The following DMAP1 variants were observed in gnomAD, a reference collection of about 807,000 sequenced individuals.
The protein encoded by DMAP1 is DNA methyltransferase 1 associated protein 1, also known as DNA methyltransferase 1-associated protein 1.
In DMAP1, 26 loss-of-function variants were observed where a neutral mutation model predicts 52.7. The observed-to-expected ratio is 0.49, with a 90% CI of 0.36 to 0.68. DMAP1 has a LOEUF of 0.68. Among genes scored for constraint, DMAP1 ranks in the 30% least tolerant of loss-of-function variants. The pLI is 0.00. For missense variants in DMAP1, 439 were observed against 625.2 expected (o/e 0.70, Z 3.18); for synonymous variants, 231 against 246.0 (o/e 0.94, Z 0.57).
At chr1:44,219,326 C>T (rs1009009524) in intron 6 of DMAP1, 80 bp from the exon 7 acceptor site, 1 of 1,556,956 alleles carries the variant, frequency 6.4e-7, no homozygotes, top group Admixed American at 1.9e-5. Flanking sequence ...CTGAGAGTAC[C>T]CAGTGCTGAT....
At position 44,214,805 on chromosome 1, in the gene DMAP1, C is replaced by T. The variant is rs1237316383; in HGVS notation, c.300C>T (p.Phe100=). ...KKVRPWKWMP[F]TNPARKDGAM... is the part of the protein sequence containing the mutation. Reference sequence around the variant, plus strand: ...TGCGGCCTTGGAAGTGGATGCCATTCACCAACCCGGCCCGCAAGGACGGAG... The same window carrying T: ...TGCGGCCTTGGAAGTGGATGCCATTTACCAACCCGGCCCGCAAGGACGGAG... Residue 100 remains phenylalanine (F), a synonymous_variant, in exon 3 of 10, where the codon TTC becomes TTT. Coordinates refer to ENST00000372289, the MANE Select transcript of DMAP1 (RefSeq NM_019100.5). 2 of 1,614,228 alleles carry T rather than the reference C, an allele frequency of 1.2e-6. No homozygotes were observed. Among genetic ancestry groups the T allele is most frequent in the Non-Finnish European group, 8.5e-7 (1 of 1,180,042 alleles).
In DMAP1 at chr1:44,220,568, C is replaced by T. The variant is rs780918219; in HGVS notation, c.1354C>T (p.Arg452Trp). The change falls in exon 10 of 10, where the codon CGG (arginine) becomes TGG (tryptophan). Residue 452 changes from arginine (R) to tryptophan (W), a missense_variant. By Grantham distance (101) the Arg-to-Trp change is moderately radical. Coordinates refer to ENST00000372289, the MANE Select transcript of DMAP1 (RefSeq NM_019100.5). ...APLTPNSRKRRESASSSSSVK... is the reference protein window; with the variant it reads ...APLTPNSRKRWESASSSSSVK... Reference sequence around the variant, plus strand: ...TTCTGTGTATCCTCAGAGAAAGCGACGGGAGTCGGCCTCCAGCTCATCTTC... The same window carrying T: ...TTCTGTGTATCCTCAGAGAAAGCGATGGGAGTCGGCCTCCAGCTCATCTTC... 9 of 1,614,188 alleles carry T rather than the reference C, an allele frequency of 5.6e-6. 1 individual carries two copies. Among genetic ancestry groups the T allele is most frequent in the South Asian group, 4.4e-5 (4 of 91,082 alleles).
rs1490888434 is a variant in DMAP1, at chr1:44,218,796, C to T, written c.720+41C>T. ...CATACCTGTCCTCCATGCCCCAAAC[C>T]CCTTGCTCATTGTCTCCATCCTCCA... On this transcript the variant is annotated intron_variant, in intron 5 of 9. Coordinates refer to ENST00000372289, the MANE Select transcript of DMAP1 (RefSeq NM_019100.5). The surrounding 1 kb of genome is among the most constrained non-coding windows in gnomAD (Gnocchi z 5.6). 1 of 1,560,402 alleles carries T rather than the reference C, an allele frequency of 6.4e-7. No individual in the cohort carries two copies. The highest frequency in any genetic ancestry group is 8.7e-7 in the Non-Finnish European group (1 of 1,149,616).
At position 44,213,897 on chromosome 1, in the gene DMAP1, A is replaced by G. The variant is rs1390830180; in HGVS notation, c.105+39A>G. 1.3e-6 allele frequency: 2 copies of G among 1,542,926 alleles called. No individual in the cohort carries two copies. The highest frequency in any genetic ancestry group is 1.8e-6 in the Non-Finnish European group (2 of 1,138,450). On this transcript the variant is annotated intron_variant, in intron 1 of 9. Coordinates refer to ENST00000372289, the MANE Select transcript of DMAP1 (RefSeq NM_019100.5). The surrounding 1 kb of genome is among the most constrained non-coding windows in gnomAD (Gnocchi z 4.5). ...CTGAAAGCGTTGACTAGGGGAGGGT[A>G]GGGGAGTGAAGATGGGGAGGAGTGA...
intron 2 of DMAP1, 104 bp downstream of exon 2, chr1:44,214,545 C>T: frequency 6.2e-7 from 1 of 1,612,658 alleles, no homozygotes; most frequent in Non-Finnish European, 8.5e-7. Context: ...CCAGCAAGGG[C>T]TCCTGCTTGC....
intron 2 of DMAP1, 91 bp downstream of exon 2, chr1:44,214,532 T>A: frequency 1.2e-6 from 2 of 1,612,928 alleles, no homozygotes; most frequent in Middle Eastern, 1.6e-4. Context: ...AATTTTCTCC[T>A]CCCCAGCAAG....
In DMAP1 at chr1:44,213,546, C is replaced by G; in HGVS notation, c.-208C>G. 3.8e-6 allele frequency: 2 copies of G among 523,480 alleles called. No individual in the cohort carries two copies. Among genetic ancestry groups the G allele is most frequent in the Non-Finnish European group, 6.9e-6 (2 of 291,840 alleles). The allele number at this position is 523,480 out of a possible 1,614,324, so 32.4% of individuals were successfully genotyped here. A position where few individuals can be genotyped will look rare whatever the true frequency, so the allele number is the denominator to read the frequency against. On this transcript the variant is annotated 5_prime_UTR_variant, in exon 1 of 10. Coordinates refer to ENST00000372289, the MANE Select transcript of DMAP1 (RefSeq NM_019100.5). The surrounding 1 kb of genome is among the most constrained non-coding windows in gnomAD (Gnocchi z 4.5). ...GACCCAGGTGCGGAAGTGCGAGGGC[C>G]CAGGTGGCTGAAGGGGCCGTTAGGA...
rs746822529 is a variant in DMAP1, at chr1:44,218,195, G to A, written c.394-116G>A. 7.2e-7 allele frequency: 1 copy of A among 1,394,826 alleles called. No homozygotes were observed. Among genetic ancestry groups the A allele is most frequent in the Non-Finnish European group, 1.0e-6 (1 of 981,780 alleles). 86.4% of individuals were successfully genotyped at this position (1,394,826 alleles called of 1,614,324 possible). A position where few individuals can be genotyped will look rare whatever the true frequency, so the allele number is the denominator to read the frequency against. Reference sequence around the variant, plus strand: ...GTTCTTTCCTCACTCCATGCTGCAGGGGCACAGGCCCAGGGTCTGGCAACA... The same window carrying A: ...GTTCTTTCCTCACTCCATGCTGCAGAGGCACAGGCCCAGGGTCTGGCAACA... On this transcript the variant is annotated intron_variant, in intron 3 of 9. Coordinates refer to ENST00000372289, the MANE Select transcript of DMAP1 (RefSeq NM_019100.5). This position sits in a 1 kb window ranked among gnomAD's most constrained non-coding sequence, Gnocchi z 5.6.
intron 7 of DMAP1, 134 bp from the exon 8 acceptor site, chr1:44,219,665 CTGGCTAT>C: frequency 8.2e-7 from 1 of 1,226,880 alleles, no homozygotes; most frequent in Non-Finnish European, 1.2e-6. Flanking sequence ...ATTCAGCTTC[CTGGCTAT>C]TTCCTTTTCT....
intron 3 of DMAP1, chr1:44,217,495 G>C (rs1279159172): frequency 6.6e-6 from 1 of 152,304 alleles, no homozygotes; most frequent in South Asian, 2.1e-4. Flanking sequence ...ATGCCTCCCA[G>C]GTTTCTGGCT....
At position 44,219,142 on chromosome 1, in the gene DMAP1, G is replaced by A. The variant is rs1319665148; in HGVS notation, c.807G>A (p.Gln269=). ...KEREKRSQDL[Q]KLITAADTTA... ...GGGAGAAACGCAGCCAGGACCTGCA[G>A]AAGCTGATCACAGCGGCAGACACCA... Residue 269 remains glutamine (Q), a synonymous_variant, in exon 6 of 10, where the codon CAG becomes CAA. Transcript: ENST00000372289. The A allele has an allele frequency of 6.2e-7, 1 of 1,614,232 alleles. No homozygotes were observed. The highest frequency in any genetic ancestry group is 2.2e-5 in the East Asian group (1 of 44,876).
chr1:44,219,187 G>A lies in DMAP1; in HGVS notation c.852G>A (p.Thr284=), dbSNP rs149419434. ...AADTTAEQRR[T]ERKAPKKKLP... ...ACACCACTGCAGAGCAGCGGCGCAC[G>A]GAACGCAAGGCCCCCAAAAAGAAGC... is the stretch of plus-strand genomic sequence containing the variant. The change falls in exon 6 of 10, where the codon ACG becomes ACA. Residue 284 remains threonine (T), a synonymous_variant. Transcript: ENST00000372289. The A allele has an allele frequency of 3.3e-4, 532 of 1,614,068 alleles. 1 individual carries two copies. Among genetic ancestry groups the A allele is most frequent in the Admixed American group, 9.5e-4 (57 of 60,012 alleles).
intron 1 of DMAP1, among the ~76,000 whole-genome samples, chr1:44,214,108 A>G (rs1643739427): frequency 6.6e-6 from 1 of 152,174 alleles, no homozygotes; most frequent in Non-Finnish European, 1.5e-5. Context: ...GATTTTTGCA[A>G]GATATTGTTG....
At position 44,214,775 on chromosome 1, in the gene DMAP1, G is replaced by A. The variant is rs768684180; in HGVS notation, c.270G>A (p.Lys90=). ...YRTVKAKLGS[K]KVRPWKWMPF... ...CAGTGAAGGCCAAGTTGGGCTCCAA[G>A]AAGGTGCGGCCTTGGAAGTGGATGC... The change falls in exon 3 of 10, where the codon AAG becomes AAA. Residue 90 remains lysine (K), a synonymous_variant. Transcript: ENST00000372289. 6.2e-7 allele frequency: 1 copy of A among 1,614,224 alleles called. No homozygotes were observed.
chr1:44,217,918 C>T (rs1319725794), intron 3 of DMAP1: 2 of 313,446 alleles, frequency 6.4e-6, no homozygotes, highest in Non-Finnish European at 1.3e-5. Flanking sequence ...GGCAGTAGTG[C>T]TTCAGATGAG....
chr1:44,217,996 C>T, intron 3 of DMAP1: 1 of 457,770 alleles, frequency 2.2e-6, no homozygotes, highest in South Asian at 2.1e-5. Context: ...CCAGAGTTGA[C>T]CTTTGGACTC....
At chr1:44,219,267 C>T (rs770820730) in intron 6 of DMAP1, 26 bp downstream of exon 6, 4 of 1,606,774 alleles carry the variant, frequency 2.5e-6, no homozygotes, top group Non-Finnish European at 2.5e-6. Flanking sequence ...CAGCCTAGCT[C>T]AGGGTGGAAG....
In DMAP1 at chr1:44,213,621, C is replaced by G; in HGVS notation, c.-133C>G. 1.3e-6 allele frequency: 1 copy of G among 749,508 alleles called. No homozygotes were observed. Among genetic ancestry groups the G allele is most frequent in the South Asian group, 1.8e-5 (1 of 56,694 alleles). 46.4% of individuals were successfully genotyped at this position (749,508 alleles called of 1,614,324 possible). A position where few individuals can be genotyped will look rare whatever the true frequency, so the allele number is the denominator to read the frequency against. On this transcript the variant is annotated 5_prime_UTR_variant, in exon 1 of 10. Coordinates refer to ENST00000372289, the MANE Select transcript of DMAP1 (RefSeq NM_019100.5). This position sits in a 1 kb window ranked among gnomAD's most constrained non-coding sequence, Gnocchi z 4.5. The stretch of plus-strand genomic sequence containing the variant: ...AGATCCCCGACCTGACCTGGACCAC[C>G]CTTCTCCTCTTGGCCCGCCCCTTCA...
At position 44,220,534 on chromosome 1, in the gene DMAP1, C is replaced by T. The variant is rs1269889116; in HGVS notation, c.1345-25C>T. On this transcript the variant is annotated intron_variant, in intron 9 of 9. Transcript: ENST00000372289. ...ACTCAGGCCTTGGGGGGTCACTGAC[C>T]TCAATGCCTTCTGTGTATCCTCAGA... 7 of 1,614,116 alleles carry T rather than the reference C, an allele frequency of 4.3e-6. No homozygotes were observed. The African/African-American group carries it at 9.3e-5, about 22-fold the overall frequency.
Sources: gnomAD v4.1 joint callset for allele counts (sites outside exome capture counted in the v4.1 genomes callset) on GRCh38, gnomAD v4.1.1 for gene constraint, Gnocchi (gnomAD v3.1) non-coding constraint, MANE v1.5 for transcripts, NCBI Gene and HGNC (gene_info 2026-07-23, HGNC 2026-07-21) for gene names.